The following ADGRV1 variants were observed in gnomAD, a reference collection of about 807,000 sequenced individuals.
ADGRV1 encodes G-protein coupled receptor 98.
Under a neutral mutation model 596.2 loss-of-function variants are expected in ADGRV1, and 359 were observed. The observed-to-expected ratio is 0.60, with a 90% CI of 0.55 to 0.66. The LOEUF is 0.66. Ranked by LOEUF, ADGRV1 falls within the 30% of genes least tolerant of loss-of-function variation. ADGRV1 has a pLI of 0.00. For missense variants in ADGRV1, 7,274 were observed against 7,575.6 expected, an observed-to-expected ratio of 0.96 and a Z score of 1.48; for synonymous variants, 2,681 against 2,679.2, an observed-to-expected ratio of 1.00 and a Z score of -0.02.
chr5:90,962,299 T>C (rs1302741057), intron 83 of ADGRV1, among the ~76,000 whole-genome samples: 1 of 152,220 alleles, frequency 6.6e-6, no homozygotes, highest in Admixed American at 6.5e-5. Context: ...CACAATACTT[T>C]GTAGATAGAG....
intron 87 of ADGRV1, among the ~76,000 whole-genome samples, chr5:91,129,579 T>G (rs1794042935): frequency 6.6e-6 from 1 of 152,204 alleles, no homozygotes; most frequent in Admixed American, 6.5e-5. Flanking sequence ...CATGATGTAT[T>G]AATTTACGAT....
At chr5:90,819,722 G>A (rs1292259356) in intron 75 of ADGRV1, among the ~76,000 whole-genome samples, 3 of 151,448 alleles carry the variant, frequency 2.0e-5, no homozygotes, top group East Asian at 1.9e-4. Context: ...GTAGTTGAGC[G>A]GTTTTGAGTG....
intron 87 of ADGRV1, among the ~76,000 whole-genome samples, chr5:91,110,612 T>G (rs534519486): frequency 6.6e-6 from 1 of 152,316 alleles, no homozygotes; most frequent in South Asian, 2.1e-4. Flanking sequence ...TGTGTTAGAA[T>G]TTTACTGACA....
rs765849229 is a variant in ADGRV1, at chr5:90,791,195, G to A, written c.14366G>A (p.Arg4789Gln). ...AGATCCATCCAAATTAACATAACCC[G>A]GCTTGCTGGAACATTTGGAGATGTG... ...LIRSIQINITRLAGTFGDVAV... is the reference protein window; with the variant it reads ...LIRSIQINITQLAGTFGDVAV... The change falls in exon 70 of 90, where the codon CGG becomes CAG. Residue 4789 changes from arginine to glutamine, a missense_variant. Coordinates refer to ENST00000405460, the MANE Select transcript of ADGRV1 (RefSeq NM_032119.4). 8 of 1,613,806 alleles carry A rather than the reference G, an allele frequency of 5.0e-6. No homozygotes were observed. The highest frequency in any genetic ancestry group is 3.3e-5 in the Admixed American group (2 of 59,972).
At position 90,895,737 on chromosome 5, in the gene ADGRV1, G is replaced by A. The variant is rs150666985; in HGVS notation, c.17856+31880G>A. ...GAGTTGAAATAGCTTCTAATTTGCT[G>A]GTAATAGTTTTAACTTGCTGTCCTC... On this transcript the variant is annotated intron_variant, in intron 83 of 89. Transcript: ENST00000405460. Among the ~76,000 whole-genome samples, 17 of 152,264 alleles carry A rather than the reference G, an allele frequency of 1.1e-4. No homozygotes were observed. The East Asian group carries it at 2.9e-3, about 26-fold the overall frequency.
intron 85 of ADGRV1, 40 bp downstream of exon 85, chr5:90,985,562 T>A (rs1014084968): frequency 6.6e-7 from 1 of 1,521,188 alleles, no homozygotes; most frequent in African/African-American, 1.4e-5. Context: ...AGCTTTCATG[T>A]ACCTAAGCAG....
chr5:90,765,275 G>C (rs138812111), intron 59 of ADGRV1, among the ~76,000 whole-genome samples: 2,152 of 152,262 alleles, frequency 0.014, 35 homozygotes, highest in African/African-American at 0.04. Flanking sequence ...CTGCTGAGGG[G>C]AATGGTGACT....
chr5:90,859,285 G>A (rs1455260480), intron 82 of ADGRV1, among the ~76,000 whole-genome samples: 2 of 152,110 alleles, frequency 1.3e-5, no homozygotes, highest in Admixed American at 6.5e-5. Context: ...CTGACATACA[G>A]TAGGTTTTAA....
At chr5:90,619,300 G>T in intron 4 of ADGRV1, 119 bp downstream of exon 4, 2 of 478,564 alleles carry the variant, frequency 4.2e-6, no homozygotes, top group Non-Finnish European at 3.6e-6. Flanking sequence ...AATAAAATTT[G>T]CTTTAACTTT....
chr5:90,733,772 T>A (rs557939879), intron 50 of ADGRV1, among the ~76,000 whole-genome samples: 33 of 152,316 alleles, frequency 2.2e-4, no homozygotes, highest in African/African-American at 7.7e-4. Flanking sequence ...ATCACTTACT[T>A]AACATTTTTG....
At chr5:91,112,740 G>T (rs1792485790) in intron 87 of ADGRV1, among the ~76,000 whole-genome samples, 1 of 152,058 alleles carries the variant, frequency 6.6e-6, no homozygotes, top group Non-Finnish European at 1.5e-5. Context: ...GTAACGTTCA[G>T]CCATCAGATT....
chr5:90,959,559 A>G (rs1210790359), intron 83 of ADGRV1, among the ~76,000 whole-genome samples: 2 of 152,214 alleles, frequency 1.3e-5, no homozygotes, highest in African/African-American at 4.8e-5. Flanking sequence ...TTTTCAAGAA[A>G]TATAGCTACA....
chr5:90,831,231 C>CTA (rs1265617354), intron 77 of ADGRV1, among the ~76,000 whole-genome samples: 412 of 151,024 alleles, frequency 2.7e-3, no homozygotes, highest in African/African-American at 8.9e-3. Flanking sequence ...CTCTCTCTCT[C>CTA]TCTCTATATA....
At chr5:90,844,904 G>C (rs1238815590) in intron 78 of ADGRV1, among the ~76,000 whole-genome samples, 1 of 152,156 alleles carries the variant, frequency 6.6e-6, no homozygotes, top group Admixed American at 6.5e-5. Flanking sequence ...AACTGGCCTT[G>C]TGGAGCCAGC....
intron 87 of ADGRV1, among the ~76,000 whole-genome samples, chr5:91,118,615 A>T (rs1056559597): frequency 6.6e-6 from 1 of 152,036 alleles, no homozygotes; most frequent in Non-Finnish European, 1.5e-5. Context: ...ACATAAATGC[A>T]TAAAACACAA....
At chr5:90,767,573 T>G (rs557573968) in intron 59 of ADGRV1, among the ~76,000 whole-genome samples, 2 of 152,276 alleles carry the variant, frequency 1.3e-5, no homozygotes, top group Admixed American at 1.3e-4. Context: ...ACCTATGCAC[T>G]TTTGAAAATG....
Position 90,778,966 on chromosome 5 carries a change from T to C in ADGRV1, c.12951T>C (p.Pro4317=), listed in dbSNP as rs1758560210. The change falls in exon 64 of 90, where the codon CCT becomes CCC. Residue 4317 remains proline (P), a synonymous_variant. Coordinates refer to ENST00000405460, the MANE Select transcript of ADGRV1 (RefSeq NM_032119.4). ...CGGAAGCAGGCTTGGATTTTGTTCC[T>C]GCAGCAGGGGAGCTCCTCTTTGAAG... is the stretch of plus-strand genomic sequence containing the variant. ...GTAEAGLDFV[P]AAGELLFEAG... 1.2e-6 allele frequency: 2 copies of C among 1,613,450 alleles called. No homozygotes were observed. Among genetic ancestry groups the C allele is most frequent in the African/African-American group, 2.7e-5 (2 of 74,894 alleles).
chr5:90,617,739 A>G, intron 2 of ADGRV1, 65 bp from the exon 3 acceptor site: 1 of 1,311,620 alleles, frequency 7.6e-7, no homozygotes, highest in Non-Finnish European at 1.1e-6. Flanking sequence ...TGCTGTAATT[A>G]ACATCAGTTT....
chr5:90,815,776 T>C lies in ADGRV1; in HGVS notation c.16196+40T>C, dbSNP rs41315904. ...AGTATATGGAAGACGTAACATTCTG[T>C]GTGTCTGTACAAATGTAATTTCAAT... On this transcript the variant is annotated intron_variant, in intron 75 of 89. Coordinates refer to ENST00000405460, the MANE Select transcript of ADGRV1 (RefSeq NM_032119.4). The C allele has an allele frequency of 0.026, 27,640 of 1,083,532 alleles. 460 individuals are homozygous for C. Among genetic ancestry groups the C allele is most frequent in the Non-Finnish European group, 0.028 (20,488 of 721,164 alleles). The allele number at this position is 1,083,532 out of a possible 1,614,324, so 67.1% of individuals were successfully genotyped here. A position where few individuals can be genotyped will look rare whatever the true frequency, so the allele number is the denominator to read the frequency against.
Sources: allele counts gnomAD v4.1 joint callset (sites outside exome capture counted in the v4.1 genomes callset), GRCh38; gene constraint gnomAD v4.1.1; transcripts MANE v1.5; gene names NCBI Gene and HGNC (gene_info 2026-07-23, HGNC 2026-07-21).